JAKMIP3: variants seen among roughly 807,000 people sequenced by gnomAD.
JAKMIP3 encodes the protein janus kinase and microtubule-interacting protein 3.
A neutral mutation model predicts 118.5 loss-of-function variants in JAKMIP3; 58 were observed. The observed-to-expected ratio is 0.49, with a 90% confidence interval of 0.40 to 0.61. JAKMIP3 has a LOEUF of 0.61. Among genes scored for constraint, JAKMIP3 ranks in the 20% least tolerant of loss-of-function variants. The probability of loss-of-function intolerance (pLI) is 0.00; values close to 1 mark genes in which losing one functional copy is unlikely to be tolerated. For missense variants in JAKMIP3, 950 were observed against 1,109.0 expected, an observed-to-expected ratio of 0.86 and a Z score of 2.04; for synonymous variants, 486 against 451.2, an observed-to-expected ratio of 1.08 and a Z score of -0.98.
intron 3 of JAKMIP3, among the ~76,000 whole-genome samples, chr10:132,130,935 G>A (rs960524704): frequency 6.6e-5 from 10 of 152,052 alleles, no homozygotes; most frequent in African/African-American, 2.4e-4. Context: ...ACAGGTGGCT[G>A]TGATGCTGCA....
At position 132,092,020 on chromosome 10, in the gene JAKMIP3, T is replaced by G. The variant is rs541832496; in HGVS notation, c.-137-12652T>G. On this transcript the variant is annotated intron_variant, in intron 1 of 23. Transcript: ENST00000684848. Reference sequence around the variant, plus strand: ...TGTCTGTGAAGGATTTTATTTCTCCTTCACTTATGAAGCTTAGTTTGGCTG... The same window carrying G: ...TGTCTGTGAAGGATTTTATTTCTCCGTCACTTATGAAGCTTAGTTTGGCTG... 4.6e-5 allele frequency among the ~76,000 whole-genome samples: 7 copies of G among 152,148 alleles called. No homozygotes were observed. The East Asian group carries it at 1.4e-3, about 29-fold the overall frequency.
intron 23 of JAKMIP3, among the ~76,000 whole-genome samples, chr10:132,180,204 C>T (rs1242622454): frequency 3.3e-5 from 5 of 152,172 alleles, no homozygotes; most frequent in African/African-American, 9.7e-5. Flanking sequence ...TGCAAGCAGG[C>T]ACTTCTGCAG....
At chr10:132,064,172 C>T (rs936640220), upstream of JAKMIP3, among the ~76,000 whole-genome samples, 13 of 152,130 alleles carry the variant, frequency 8.5e-5, no homozygotes, top group South Asian at 2.1e-4. The surrounding 1 kb of genome is among the most constrained non-coding windows in gnomAD (Gnocchi z 4.4). Flanking sequence ...CCAATTATTC[C>T]CTGTTATATT....
intron 3 of JAKMIP3, among the ~76,000 whole-genome samples, chr10:132,122,981 C>T (rs2048814416): frequency 6.6e-6 from 1 of 152,190 alleles, no homozygotes; most frequent in African/African-American, 2.4e-5. Flanking sequence ...CTGTGCAGAC[C>T]CCTTGATTTT....
chr10:132,181,870 G>A (rs946937286), intron 23 of JAKMIP3, among the ~76,000 whole-genome samples: 6 of 151,982 alleles, frequency 3.9e-5, no homozygotes, highest in Non-Finnish European at 4.4e-5. Context: ...CTCAGCCCAC[G>A]TGGCCTCCCA....
chr10:132,109,272 C>T (rs1397204337), intron 2 of JAKMIP3, among the ~76,000 whole-genome samples: 1 of 152,004 alleles, frequency 6.6e-6, no homozygotes, highest in Non-Finnish European at 1.5e-5. Context: ...CACTGCACTC[C>T]AGCCTGGGTG....
Position 132,137,258 on chromosome 10 carries a change from T to G in JAKMIP3, c.1253T>G (p.Leu418Arg). 1 of 1,613,916 alleles carries G rather than the reference T, an allele frequency of 6.2e-7. No individual in the cohort carries two copies. The highest frequency in any genetic ancestry group is 8.5e-7 in the Non-Finnish European group (1 of 1,179,882). Residue 418 changes from leucine to arginine, a missense_variant, in exon 8 of 24, where the codon CTT (leucine) becomes CGT (arginine). Physicochemically the swap from Leu to Arg is moderately radical, Grantham distance 102. Transcript: ENST00000684848. ...CATGCTGTCTTCCTTTCCTAGACCC[T>G]TGAGACCGCCGGCTACGTGAAGAGC... ...QNLIDELSKT[L>R]ETAGYVKSVL...
chr10:132,138,215 C>A (rs776580322), intron 9 of JAKMIP3, 37 bp downstream of exon 9: 1 of 1,562,652 alleles, frequency 6.4e-7, no homozygotes, highest in Non-Finnish European at 8.7e-7. Flanking sequence ...GGAGAGTACG[C>A]CGGGTGTGTG....
At chr10:132,135,891 G>T in intron 5 of JAKMIP3, 39 bp from the exon 6 acceptor site, 1 of 1,588,344 alleles carries the variant, frequency 6.3e-7, no homozygotes, top group Non-Finnish European at 8.6e-7. Context: ...CTGGTTCTCC[G>T]TCACTTAAAG....
chr10:132,048,881 C>T (rs894842909), intron 1 of JAKMIP3, among the ~76,000 whole-genome samples: 1 of 152,150 alleles, frequency 6.6e-6, no homozygotes, highest in Non-Finnish European at 1.5e-5. Context: ...ACCTCGTGAT[C>T]CGCCTGCCTT....
At chr10:132,090,548 G>C (rs892476793) in intron 1 of JAKMIP3, among the ~76,000 whole-genome samples, 1 of 152,160 alleles carries the variant, frequency 6.6e-6, no homozygotes, top group African/African-American at 2.4e-5. Context: ...TGTGGGATCA[G>C]TGGTGATAAC....
intron 1 of JAKMIP3, among the ~76,000 whole-genome samples, chr10:132,088,122 G>A (rs2042632529): frequency 1.3e-5 from 2 of 152,020 alleles, no homozygotes; most frequent in Admixed American, 1.3e-4. Context: ...GGACATTTGG[G>A]TTGGTTCCAA....
intron 11 of JAKMIP3, among the ~76,000 whole-genome samples, chr10:132,142,819 G>A (rs542894522): frequency 2.0e-5 from 3 of 152,316 alleles, no homozygotes; most frequent in African/African-American, 7.2e-5. Context: ...GGCAGCTGTG[G>A]GGTGTGGGGT....
rs996001656 is a variant in JAKMIP3 at position 132,183,891 on chromosome 10, A to G, written c.*2638A>G. The G allele has an allele frequency of 6.6e-6, 1 of 152,192 alleles. No individual in the cohort carries two copies. The highest frequency in any genetic ancestry group is 1.5e-5 in the Non-Finnish European group (1 of 68,042). The allele number at this position is 152,192 out of a possible 1,614,324, so 9.4% of individuals were successfully genotyped here. ...GTATTTAAAAATAAGGTGCATTTCT[A>G]AATTGCAGGCTATACCTTCTTTTCC... On this transcript the variant is annotated 3_prime_UTR_variant, in exon 24 of 24. Coordinates refer to ENST00000684848, the MANE Select transcript of JAKMIP3 (RefSeq NM_001323087.2).
intron 1 of JAKMIP3, among the ~76,000 whole-genome samples, chr10:132,053,575 T>C (rs937978449): frequency 1.3e-5 from 2 of 152,204 alleles, no homozygotes. Context: ...CTCAGCACTT[T>C]TGTTACCTTA....
At chr10:132,095,741 A>T (rs2043769200) in intron 1 of JAKMIP3, among the ~76,000 whole-genome samples, 1 of 152,154 alleles carries the variant, frequency 6.6e-6, no homozygotes, top group Non-Finnish European at 1.5e-5. Context: ...ATCTAGTCCC[A>T]TCCACCATGA....
intron 19 of JAKMIP3, among the ~76,000 whole-genome samples, chr10:132,158,165 C>T (rs1265791295): frequency 6.9e-6 from 1 of 145,458 alleles, no homozygotes; most frequent in Non-Finnish European, 1.5e-5. Flanking sequence ...AGATAATTCC[C>T]CTTTGTAAGA....
At chr10:132,109,043 TAC>T (rs199947950) in intron 2 of JAKMIP3, among the ~76,000 whole-genome samples, 4,669 of 140,198 alleles carry the variant, frequency 0.033, 353 homozygotes, top group South Asian at 0.11. Flanking sequence ...TGTATATATA[TAC>T]ACACACATAC....
Position 132,139,364 on chromosome 10 carries a change from CTG to C in JAKMIP3, c.1345-1085_1345-1084del, listed in dbSNP as rs1235273006. On this transcript the variant is annotated intron_variant, in intron 9 of 23. Coordinates refer to ENST00000684848, the MANE Select transcript of JAKMIP3 (RefSeq NM_001323087.2). Reference sequence around the variant, plus strand: ...TGTGTACATGTGAGTGTATATGCGTCTGTACGTGTGTGAGTATGTGAGTGTAT... The same window carrying C: ...TGTGTACATGTGAGTGTATATGCGTCTACGTGTGTGAGTATGTGAGTGTAT... Among the ~76,000 whole-genome samples, 7 of 97,760 alleles carry C rather than the reference CTG, an allele frequency of 7.2e-5. 1 individual carries two copies. The highest frequency in any genetic ancestry group is 4.2e-4 in the Admixed American group (4 of 9,542). The allele number at this position is 97,760 out of a possible 152,430, so 64.1% of individuals were successfully genotyped here. A position where few individuals can be genotyped will look rare whatever the true frequency, so the allele number is the denominator to read the frequency against.
Sources: allele counts gnomAD v4.1 joint callset (sites outside exome capture counted in the v4.1 genomes callset), GRCh38; gene constraint gnomAD v4.1.1; non-coding constraint Gnocchi (gnomAD v3.1); transcripts MANE v1.5; gene names NCBI Gene and HGNC (gene_info 2026-07-23, HGNC 2026-07-21).